Variants in CUX1 observed in about 807,000 individuals in gnomAD.
CUX1 encodes cut like homeobox 1.
In CUX1, 31 loss-of-function variants were observed where a neutral mutation model predicts 158.8. The ratio of observed to expected loss-of-function variants is 0.20; its 90% confidence interval spans 0.15 to 0.26. CUX1 has a LOEUF of 0.26. Among genes scored for constraint, CUX1 ranks in the 10% least tolerant of loss-of-function variants. The probability of loss-of-function intolerance (pLI) is 1.00; values close to 1 mark genes in which losing one functional copy is unlikely to be tolerated. For synonymous variants in CUX1, 879 were observed against 862.1 expected, an observed-to-expected ratio of 1.02 and a Z score of -0.34; for missense variants, 1,589 against 2,014.6, an observed-to-expected ratio of 0.79 and a Z score of 4.04.
At chr7:102,011,003 C>T (rs1450990463) in intron 2 of CUX1, among the ~76,000 whole-genome samples, 2 of 152,122 alleles carry the variant, frequency 1.3e-5, no homozygotes, top group South Asian at 4.2e-4. Context: ...ATCCCAGCTA[C>T]TCAGGAGGCT....
At chr7:101,943,078 CTTTTT>C (rs58332486) in intron 2 of CUX1, among the ~76,000 whole-genome samples, 3 of 80,332 alleles carry the variant, frequency 3.7e-5, no homozygotes, top group African/African-American at 5.1e-5. Context: ...CTGGTCAGTG[CTTTTT>C]TTTTTTTTTT....
chr7:101,923,328 T>G (rs1805191229), intron 2 of CUX1, among the ~76,000 whole-genome samples: 1 of 152,236 alleles, frequency 6.6e-6, no homozygotes, highest in Non-Finnish European at 1.5e-5. Flanking sequence ...GGGATGGTTT[T>G]GGGTTTTGTT....
intron 2 of CUX1, among the ~76,000 whole-genome samples, chr7:101,984,274 T>C (rs1394874567): frequency 6.7e-6 from 1 of 149,510 alleles, no homozygotes; most frequent in Non-Finnish European, 1.5e-5. Context: ...TATTTCCTCA[T>C]TGTTGAACAC....
chr7:102,216,635 ACACACG>A, intron 20 of CUX1, among the ~76,000 whole-genome samples: 1 of 58,858 alleles, frequency 1.7e-5, no homozygotes, highest in East Asian at 7.7e-4. Context: ...ACACACCCCC[ACACACG>A]CACACACACA....
At chr7:101,976,739 A>G (rs969683637) in intron 2 of CUX1, among the ~76,000 whole-genome samples, 2 of 152,230 alleles carry the variant, frequency 1.3e-5, no homozygotes, top group African/African-American at 4.8e-5. Flanking sequence ...GTCTCATTAT[A>G]CTGGAGGTGT....
At position 101,869,804 on chromosome 7, in the gene CUX1, C is replaced by T. The variant is rs970695814; in HGVS notation, c.31-46311C>T. On this transcript the variant is annotated intron_variant, in intron 1 of 23. Coordinates refer to ENST00000292535, the MANE Select transcript of CUX1 (RefSeq NM_181552.4). This position sits in a 1 kb window ranked among gnomAD's most constrained non-coding sequence, Gnocchi z 4.5. ...TGGCATTTCCCAGGAATGTAAACCC[C>T]GGTTTCAGCTTTCCCCGTGGCTCCC... Among the ~76,000 whole-genome samples the T allele has an allele frequency of 6.6e-6, 1 of 152,162 alleles. No homozygotes were observed. Among genetic ancestry groups the T allele is most frequent in the Non-Finnish European group, 1.5e-5 (1 of 68,014 alleles).
At chr7:102,070,987 G>A (rs1217820172) in intron 4 of CUX1, among the ~76,000 whole-genome samples, 3 of 151,338 alleles carry the variant, frequency 2.0e-5, no homozygotes, top group African/African-American at 4.9e-5. Flanking sequence ...ACAGGGTCTC[G>A]CTCTGTCGCC....
intron 3 of CUX1, among the ~76,000 whole-genome samples, chr7:102,043,117 ATTTTT>A (rs1163237950): frequency 6.6e-6 from 1 of 151,968 alleles, no homozygotes; most frequent in Non-Finnish European, 1.5e-5. Context: ...CGCCTGGCTA[ATTTTT>A]TTATTTTTTG....
intron 1 of CUX1, among the ~76,000 whole-genome samples, chr7:101,912,892 G>A (rs1354169361): frequency 1.3e-5 from 2 of 152,046 alleles, no homozygotes; most frequent in Non-Finnish European, 2.9e-5. Flanking sequence ...CTCTCCATAC[G>A]CCTTCTCACA....
In CUX1 at chr7:102,046,569, A is replaced by ATTTTTTTTTTTTTTTTTTTTTT. The variant is rs55753644; in HGVS notation, c.189+18430_189+18451dup. Among the ~76,000 whole-genome samples the ATTTTTTTTTTTTTTTTTTTTTT allele has an allele frequency of 3.8e-4, 21 of 55,480 alleles. 4 individuals are homozygous for ATTTTTTTTTTTTTTTTTTTTTT. Among genetic ancestry groups the ATTTTTTTTTTTTTTTTTTTTTT allele is most frequent in the African/African-American group, 5.7e-4 (7 of 12,216 alleles). 36.4% of individuals were successfully genotyped at this position (55,480 alleles called of 152,430 possible). On this transcript the variant is annotated intron_variant, in intron 3 of 23. Transcript: ENST00000292535. The stretch of plus-strand genomic sequence containing the variant: ...CCTGTTCTGTTTTGGTTTGGTTTGG[A>ATTTTTTTTTTTTTTTTTTTTTT]TTTTTTTTTTTTTTTTTTTTTTTTT...
At chr7:101,895,914 T>TTTTG (rs1801449869) in intron 1 of CUX1, among the ~76,000 whole-genome samples, 1 of 131,296 alleles carries the variant, frequency 7.6e-6, no homozygotes, top group African/African-American at 2.8e-5. Context: ...TTTTGTTTTT[T>TTTTG]TTTTTTTTTT....
intron 1 of CUX1, among the ~76,000 whole-genome samples, chr7:101,831,260 C>G (rs1793971689): frequency 6.6e-6 from 1 of 151,782 alleles, no homozygotes; most frequent in Admixed American, 6.6e-5. Context: ...AGTGACCAGA[C>G]AGTAGGGAAT....
Position 102,279,169 on chromosome 7 carries a change from C to T in CUX1, c.1681-868C>T, listed in dbSNP as rs558019604. ...CAGCCTGGCCAACATAGTGAAACCC[C>T]GTCTCTACTAAAAATATAAAAATTG... On this transcript the variant is annotated intron_variant, in intron 18 of 22. Coordinates refer to the CUX1 transcript ENST00000292538. Among the ~76,000 whole-genome samples, 4 of 152,080 alleles carry T rather than the reference C, an allele frequency of 2.6e-5. No homozygotes were observed. The South Asian group carries it at 8.3e-4, about 32-fold the overall frequency.
At chr7:102,179,047 A>T (rs1792727505) in intron 11 of CUX1, among the ~76,000 whole-genome samples, 1 of 151,198 alleles carries the variant, frequency 6.6e-6, no homozygotes, top group Admixed American at 6.6e-5. Context: ...TTATTTATTT[A>T]TTCATTCATT....
chr7:101,945,044 G>C (rs1181001183), intron 2 of CUX1, among the ~76,000 whole-genome samples: 1 of 152,174 alleles, frequency 6.6e-6, no homozygotes, highest in Admixed American at 6.5e-5. Flanking sequence ...TGTCACCCCA[G>C]GGTGCCACCC....
In CUX1 at chr7:102,201,792, G is replaced by A. The variant is rs1218372427; in HGVS notation, c.2495G>A (p.Arg832Lys). 4.3e-6 allele frequency: 7 copies of A among 1,612,734 alleles called. No individual in the cohort carries two copies. Among genetic ancestry groups the A allele is most frequent in the Non-Finnish European group, 5.9e-6 (7 of 1,179,940 alleles). The part of the protein sequence containing the change: ...DHWWSAVQPE[R>K]RNAASSEEAK... ...TGGTGGAGCGCGGTGCAGCCGGAGA[G>A]AAGAAATGCCGCCTCCTCCGAGGAG... Residue 832 changes from arginine to lysine, a missense_variant, in exon 18 of 24, where the codon AGA becomes AAA. Arg to Lys is a conservative substitution (Grantham distance 26). Transcript: ENST00000292535. This position sits in a 1 kb window ranked among gnomAD's most constrained non-coding sequence, Gnocchi z 5.0.
chr7:102,257,899 T>C lies in CUX1; in HGVS notation c.*8857T>C. The C allele has an allele frequency of 4.7e-6, 1 of 214,318 alleles. No individual in the cohort carries two copies. 13.3% of individuals were successfully genotyped at this position (214,318 alleles called of 1,614,324 possible). A position where few individuals can be genotyped will look rare whatever the true frequency, so the allele number is the denominator to read the frequency against. On this transcript the variant is annotated 3_prime_UTR_variant, in exon 24 of 24. Coordinates refer to ENST00000292535, the MANE Select transcript of CUX1 (RefSeq NM_181552.4). ...AAAAAAGGAAAAAAAAAAAGTCGTC[T>C]TTTTTTTTTTTTTTTGTACAAATCG... is the stretch of plus-strand genomic sequence containing the variant.
At chr7:102,103,444 A>T (rs1403819626) in intron 5 of CUX1, among the ~76,000 whole-genome samples, 12 of 148,788 alleles carry the variant, frequency 8.1e-5, no homozygotes, top group Non-Finnish European at 1.2e-4. Flanking sequence ...TCACTCACTC[A>T]CTCACTCACT....
At chr7:102,161,196 A>T (rs1790394167) in intron 9 of CUX1, 1 of 152,152 alleles carries the variant, frequency 6.6e-6, no homozygotes, top group South Asian at 2.1e-4. Context: ...TAAAAAATAC[A>T]AAAGTTAGCT....
Sources: allele counts gnomAD v4.1 joint callset (sites outside exome capture counted in the v4.1 genomes callset), GRCh38; gene constraint gnomAD v4.1.1; non-coding constraint Gnocchi (gnomAD v3.1); transcripts MANE v1.5; gene names NCBI Gene and HGNC (gene_info 2026-07-23, HGNC 2026-07-21).